CDK6: variants seen among roughly 807,000 people sequenced by gnomAD.
CDK6 encodes the protein cyclin dependent kinase 6.
In CDK6, 6 loss-of-function variants were observed where a neutral mutation model predicts 37.1. The ratio of observed to expected loss-of-function variants is 0.16; its 90% CI spans 0.09 to 0.32. CDK6 has a LOEUF of 0.32. Ranked by LOEUF, CDK6 falls within the 10% of genes least tolerant of loss-of-function variation. The probability of loss-of-function intolerance (pLI) is 1.00; values close to 1 mark genes in which losing one functional copy is unlikely to be tolerated. For missense variants in CDK6, 224 were observed against 418.9 expected, an observed-to-expected ratio of 0.53 and a Z score of 4.06; for synonymous variants, 160 against 161.3, an observed-to-expected ratio of 0.99 and a Z score of 0.06.
chr7:92,817,286 A>T (rs1801054427), intron 2 of CDK6, among the ~76,000 whole-genome samples: 1 of 151,968 alleles, frequency 6.6e-6, no homozygotes. Context: ...AAATTTTAGC[A>T]ATATATAAAA....
rs1160494219 is a variant in CDK6 at position 92,833,030 on chromosome 7, G to A, written c.233+61C>T. ...CACCTTTCTGGGCCTGAGGATTCCC[G>A]GCTCGGCCCTCCCCGCGCGCGCGAG... On this transcript the variant is annotated intron_variant, in intron 2 of 7. Coordinates refer to ENST00000424848, the MANE Select transcript of CDK6 (RefSeq NM_001145306.2). The surrounding 1 kb of genome is among the most constrained non-coding windows in gnomAD (Gnocchi z 6.1). 2.4e-6 allele frequency: 3 copies of A among 1,246,306 alleles called. No homozygotes were observed. Among genetic ancestry groups the A allele is most frequent in the African/African-American group, 3.0e-5 (2 of 67,506 alleles). The allele number at this position is 1,246,306 out of a possible 1,614,324, so 77.2% of individuals were successfully genotyped here. A position where few individuals can be genotyped will look rare whatever the true frequency, so the allele number is the denominator to read the frequency against.
At chr7:92,642,398 G>A (rs982654397) in intron 5 of CDK6, among the ~76,000 whole-genome samples, 1 of 152,054 alleles carries the variant, frequency 6.6e-6, no homozygotes, top group African/African-American at 2.4e-5. Context: ...TGGCCATGCC[G>A]CCCAGCCCAC....
chr7:92,739,824 A>C (rs1798875457), intron 3 of CDK6, among the ~76,000 whole-genome samples: 1 of 152,162 alleles, frequency 6.6e-6, no homozygotes, highest in South Asian at 2.1e-4. Flanking sequence ...GCAGTGGTGA[A>C]GCTCACTGCA....
At chr7:92,778,345 A>G (rs1799900881) in intron 2 of CDK6, among the ~76,000 whole-genome samples, 1 of 152,214 alleles carries the variant, frequency 6.6e-6, no homozygotes, top group Non-Finnish European at 1.5e-5. Flanking sequence ...AAGTTTTAAT[A>G]TCCATTCCTA....
intron 4 of CDK6, among the ~76,000 whole-genome samples, chr7:92,684,338 T>C (rs1444492994): frequency 6.6e-6 from 1 of 152,212 alleles, no homozygotes; most frequent in Admixed American, 6.5e-5. Context: ...TCCATAGTAA[T>C]GCAGTTTACC....
chr7:92,725,390 G>C, intron 4 of CDK6: 3 of 890,172 alleles, frequency 3.4e-6, no homozygotes, highest in Non-Finnish European at 2.7e-6. Context: ...CAGTGGCTAA[G>C]ATGCAACAGG....
intron 4 of CDK6, among the ~76,000 whole-genome samples, chr7:92,712,139 G>A (rs1798108349): frequency 6.7e-6 from 1 of 149,510 alleles, no homozygotes; most frequent in African/African-American, 2.5e-5. Context: ...TGGTCTGGGT[G>A]AAAGAGCAAG....
At chr7:92,831,912 C>T (rs1801493184) in intron 2 of CDK6, among the ~76,000 whole-genome samples, 1 of 152,178 alleles carries the variant, frequency 6.6e-6, no homozygotes, top group Non-Finnish European at 1.5e-5. Context: ...TGGGTCTCTC[C>T]ACTTTGATGA....
intron 4 of CDK6, among the ~76,000 whole-genome samples, chr7:92,712,250 T>A (rs1050785697): frequency 5.3e-5 from 8 of 151,894 alleles, no homozygotes; most frequent in African/African-American, 1.7e-4. Flanking sequence ...CTGCAAAAAA[T>A]GCCACTGGAT....
intron 5 of CDK6, among the ~76,000 whole-genome samples, chr7:92,634,584 T>G (rs942470335): frequency 6.6e-6 from 1 of 152,162 alleles, no homozygotes; most frequent in Non-Finnish European, 1.5e-5. Flanking sequence ...CATAAACCTA[T>G]GAATTAATTT....
intron 4 of CDK6, among the ~76,000 whole-genome samples, chr7:92,712,878 G>GTATGTATGTATT (rs1343099505): frequency 0.011 from 1,396 of 127,948 alleles, 26 homozygotes; most frequent in African/African-American, 0.038. Flanking sequence ...ATGTATGTAT[G>GTATGTATGTATT]TATTTATTTA....
chr7:92,686,411 G>T (rs942854923), intron 4 of CDK6, among the ~76,000 whole-genome samples: 1 of 151,834 alleles, frequency 6.6e-6, no homozygotes, highest in Non-Finnish European at 1.5e-5. Context: ...TAGAATAATC[G>T]TCTCCAATTC....
At chr7:92,703,610 T>C (rs1029618673) in intron 4 of CDK6, among the ~76,000 whole-genome samples, 1 of 152,212 alleles carries the variant, frequency 6.6e-6, no homozygotes, top group Non-Finnish European at 1.5e-5. Context: ...AATATCTGTG[T>C]GTTATGTATG....
chr7:92,747,429 T>C lies in CDK6; in HGVS notation c.370-21636A>G, dbSNP rs115117889. ...CACCCAAGAGCTGCCTAATTTGAGT[T>C]TGAAACACAGTGCCTCCACAATCAA... is the stretch of plus-strand genomic sequence containing the variant. On this transcript the variant is annotated intron_variant, in intron 3 of 7. Transcript: ENST00000424848. Among the ~76,000 whole-genome samples, 1,385 of 152,270 alleles carry C rather than the reference T, an allele frequency of 9.1e-3. 25 individuals carry two copies. Among genetic ancestry groups the C allele is most frequent in the African/African-American group, 0.031 (1,301 of 41,546 alleles).
rs1801566264 is a variant in CDK6 at position 92,833,744 on chromosome 7, C to T, written c.-367-54G>A. ...AAAGTGCAATCAGACAGCCCAGAAG[C>T]CTTCCTCGGGGTTCCTCCAGACTCC... is the stretch of plus-strand genomic sequence containing the variant. On this transcript the variant is annotated intron_variant, in intron 1 of 7. Coordinates refer to ENST00000424848, the MANE Select transcript of CDK6 (RefSeq NM_001145306.2). This position sits in a 1 kb window ranked among gnomAD's most constrained non-coding sequence, Gnocchi z 6.1. 3 of 415,104 alleles carry T rather than the reference C, an allele frequency of 7.2e-6. No individual in the cohort carries two copies. Among genetic ancestry groups the T allele is most frequent in the African/African-American group, 2.1e-5 (1 of 48,696 alleles). 25.7% of individuals were successfully genotyped at this position (415,104 alleles called of 1,614,324 possible).
intron 5 of CDK6, among the ~76,000 whole-genome samples, chr7:92,667,561 T>TG (rs1204670874): frequency 6.6e-6 from 1 of 151,782 alleles, no homozygotes; most frequent in Non-Finnish European, 1.5e-5. Context: ...AGTTTTTTTT[T>TG]TTTTTTGAGA....
chr7:92,741,894 C>T (rs184974691), intron 3 of CDK6, among the ~76,000 whole-genome samples: 14 of 152,202 alleles, frequency 9.2e-5, no homozygotes, highest in African/African-American at 3.4e-4. Flanking sequence ...ACAAGTTATT[C>T]AGGGTTTTTT....
intron 4 of CDK6, among the ~76,000 whole-genome samples, chr7:92,711,259 T>C (rs951301371): frequency 2.0e-5 from 3 of 151,974 alleles, no homozygotes; most frequent in African/African-American, 7.3e-5. Context: ...ATTTACACAG[T>C]GAAAGTAAGA....
intron 5 of CDK6, among the ~76,000 whole-genome samples, chr7:92,632,222 G>A (rs1195210500): frequency 1.3e-5 from 2 of 152,080 alleles, no homozygotes; most frequent in Admixed American, 1.3e-4. Flanking sequence ...ACATCTTTCT[G>A]AGGCTGAAGG....
Sources: allele counts gnomAD v4.1 joint callset (sites outside exome capture counted in the v4.1 genomes callset), GRCh38; gene constraint gnomAD v4.1.1; non-coding constraint Gnocchi (gnomAD v3.1); transcripts MANE v1.5; gene names NCBI Gene and HGNC (gene_info 2026-07-23, HGNC 2026-07-21).